TTBK2: variants seen among roughly 807,000 people sequenced by gnomAD.
TTBK2 encodes the protein tau-tubulin kinase 2.
In TTBK2, 28 loss-of-function variants were observed where a neutral mutation model predicts 110.8. The ratio of observed to expected loss-of-function variants is 0.25; its 90% CI spans 0.19 to 0.35. The LOEUF (loss-of-function observed/expected upper bound fraction) is 0.35. Ranked by LOEUF, TTBK2 falls within the 10% of genes least tolerant of loss-of-function variation. The pLI is 1.00. For synonymous variants in TTBK2, 532 were observed against 527.3 expected, an observed-to-expected ratio of 1.01 and a Z score of -0.12; for missense variants, 1,369 against 1,500.3, an observed-to-expected ratio of 0.91 and a Z score of 1.45.
intron 9 of TTBK2, among the ~76,000 whole-genome samples, chr15:42,810,342 G>A (rs566313700): frequency 2.5e-4 from 38 of 152,236 alleles, no homozygotes; most frequent in Non-Finnish European, 4.4e-4. Context: ...TCTATACGCC[G>A]AATGAATCAT....
At chr15:42,909,692 G>GA (rs2030634253) in intron 1 of TTBK2, among the ~76,000 whole-genome samples, 1 of 151,962 alleles carries the variant, frequency 6.6e-6, no homozygotes, top group Non-Finnish European at 1.5e-5. Flanking sequence ...AAACTACACT[G>GA]AAAAAAATTA....
chr15:42,918,678 C>T (rs1193631477), intron 1 of TTBK2, among the ~76,000 whole-genome samples: 1 of 152,180 alleles, frequency 6.6e-6, no homozygotes, highest in East Asian at 1.9e-4. Flanking sequence ...ATTATGCAAA[C>T]TTCCCTTCTA....
chr15:42,845,122 A>G (rs554122368), intron 3 of TTBK2, among the ~76,000 whole-genome samples: 24 of 152,218 alleles, frequency 1.6e-4, no homozygotes, highest in Non-Finnish European at 3.2e-4. Context: ...TGAGAAGAGT[A>G]TTCTAAAAGG....
At chr15:42,778,184 A>T (rs1206208038) in intron 11 of TTBK2, among the ~76,000 whole-genome samples, 3 of 152,038 alleles carry the variant, frequency 2.0e-5, no homozygotes, top group African/African-American at 7.2e-5. Flanking sequence ...AAATGTTTAA[A>T]TAAATAAAGG....
intron 2 of TTBK2, among the ~76,000 whole-genome samples, chr15:42,877,825 G>C (rs1274246316): frequency 2.0e-5 from 3 of 152,012 alleles, no homozygotes; most frequent in Admixed American, 1.3e-4. Flanking sequence ...TTAAAAGTAA[G>C]TCCTTATTTT....
At position 42,913,131 on chromosome 15, in the gene TTBK2, CAAAAAAAA is replaced by C. The variant is rs61404472; in HGVS notation, c.-68+7299_-68+7306del. On this transcript the variant is annotated intron_variant, in intron 1 of 14. Transcript: ENST00000267890. ...TGGGCGACAGAGCGAGACTCCGTCT[CAAAAAAAA>C]AAAAAAAAAAAAAAAAGAGCTCCTC... 9.7e-5 allele frequency among the ~76,000 whole-genome samples: 3 copies of C among 30,908 alleles called. No homozygotes were observed. In the South Asian group the frequency reaches 4.0e-3, roughly 42 times the overall value. The allele number at this position is 30,908 out of a possible 152,430, so 20.3% of individuals were successfully genotyped here. A position where few individuals can be genotyped will look rare whatever the true frequency, so the allele number is the denominator to read the frequency against.
intron 11 of TTBK2, among the ~76,000 whole-genome samples, chr15:42,778,290 C>CAAAAAAAAAAA (rs55838282): frequency 7.8e-6 from 1 of 127,586 alleles, no homozygotes; most frequent in Non-Finnish European, 1.6e-5. Flanking sequence ...AGCAAGTAAG[C>CAAAAAAAAAAA]AAAAAAAAAA....
intron 13 of TTBK2, among the ~76,000 whole-genome samples, chr15:42,761,905 T>C (rs1595885036): frequency 6.6e-6 from 1 of 152,216 alleles, no homozygotes; most frequent in East Asian, 1.9e-4. Flanking sequence ...CCACATGTTG[T>C]GGGAGGGACC....
At chr15:42,793,427 T>C (rs963181658) in intron 10 of TTBK2, among the ~76,000 whole-genome samples, 15 of 152,158 alleles carry the variant, frequency 9.9e-5, no homozygotes, top group African/African-American at 3.4e-4. Context: ...TGCATGTCTG[T>C]AGTCCAGAGA....
chr15:42,873,777 A>T (rs550757526), intron 2 of TTBK2, among the ~76,000 whole-genome samples: 29 of 152,234 alleles, frequency 1.9e-4, no homozygotes, highest in African/African-American at 6.7e-4. Context: ...TTCAAGCTAG[A>T]TACAGCAATT....
chr15:42,783,609 C>T lies in TTBK2; in HGVS notation c.1007G>A (p.Gly336Glu). 2 of 1,613,900 alleles carry T rather than the reference C, an allele frequency of 1.2e-6. No individual in the cohort carries two copies. Among genetic ancestry groups the T allele is most frequent in the Non-Finnish European group, 1.7e-6 (2 of 1,179,988 alleles). Reference sequence around the variant, plus strand: ...ATCTGTATTTTCTCGAAGCAAGTCTCCAGGGATGGGAGTAGCATTGGCAAT... The same window carrying T: ...ATCTGTATTTTCTCGAAGCAAGTCTTCAGGGATGGGAGTAGCATTGGCAAT... ...IGIANATPIP[G>E]DLLRENTDEV... Residue 336 changes from glycine to glutamate, a missense_variant, in exon 11 of 15, where the codon GGA (glycine) becomes GAA (glutamate). This residue lies in a region of TTBK2 where 1,097 missense variants were observed against 1,114.7 expected (regional missense o/e 0.98). Coordinates refer to ENST00000267890, the MANE Select transcript of TTBK2 (RefSeq NM_173500.4).
chr15:42,899,781 G>C (rs2029883004), intron 1 of TTBK2, among the ~76,000 whole-genome samples: 1 of 150,016 alleles, frequency 6.7e-6, no homozygotes. Context: ...GGCGCCTGTA[G>C]TTCCCAGCTA....
intron 11 of TTBK2, among the ~76,000 whole-genome samples, chr15:42,782,933 A>G (rs1890240680): frequency 4.6e-5 from 7 of 152,114 alleles, no homozygotes; most frequent in Admixed American, 4.6e-4. Flanking sequence ...AAAGACAGCC[A>G]CAGCTGATAC....
intron 3 of TTBK2, chr15:42,840,722 G>A (rs1893186473): frequency 2.2e-6 from 1 of 452,472 alleles, no homozygotes; most frequent in Admixed American, 3.4e-5. Context: ...AAGATTAAGT[G>A]GTCAATTCAG....
At chr15:42,876,402 C>T (rs1339214776) in intron 2 of TTBK2, among the ~76,000 whole-genome samples, 1 of 152,262 alleles carries the variant, frequency 6.6e-6, no homozygotes, top group East Asian at 1.9e-4. Flanking sequence ...ACAAACCAGC[C>T]TTAACACAGT....
chr15:42,843,151 T>C (rs1271487263), intron 3 of TTBK2, among the ~76,000 whole-genome samples: 2 of 152,252 alleles, frequency 1.3e-5, no homozygotes, highest in Admixed American at 6.5e-5. Flanking sequence ...CCAACATAGC[T>C]GACTCTATCT....
At chr15:42,810,921 T>C (rs912620447) in intron 8 of TTBK2, among the ~76,000 whole-genome samples, 182 bp from the exon 9 acceptor site, 2 of 152,156 alleles carry the variant, frequency 1.3e-5, no homozygotes, top group African/African-American at 4.8e-5. Context: ...GGAAAAAAAC[T>C]ATAATGCAGA....
chr15:42,861,973 C>G (rs1894175610), intron 3 of TTBK2, among the ~76,000 whole-genome samples: 1 of 152,140 alleles, frequency 6.6e-6, no homozygotes, highest in Admixed American at 6.5e-5. Flanking sequence ...AGCACACAAA[C>G]TAGAAAATCT....
At chr15:42,914,800 A>C (rs988451217) in intron 1 of TTBK2, among the ~76,000 whole-genome samples, 1 of 152,228 alleles carries the variant, frequency 6.6e-6, no homozygotes, top group Non-Finnish European at 1.5e-5. Context: ...AAGTATGTAG[A>C]ATGAACTGTG....
Sources: gnomAD v4.1 joint callset for allele counts (sites outside exome capture counted in the v4.1 genomes callset) on GRCh38, gnomAD v4.1.1 for gene constraint, gnomAD v4.1.1 regional missense constraint, MANE v1.5 for transcripts, NCBI Gene and HGNC (gene_info 2026-07-23, HGNC 2026-07-21) for gene names.